MLLT3: variants seen among roughly 807,000 people sequenced by gnomAD.
The protein encoded by MLLT3 is protein AF-9.
In MLLT3, 4 loss-of-function variants were observed where a neutral mutation model predicts 53.2. The observed-to-expected ratio is 0.08, with a 90% CI of 0.04 to 0.17. The LOEUF is 0.17. Among genes scored for constraint, MLLT3 ranks in the 10% least tolerant of loss-of-function variants. MLLT3 has a pLI of 1.00. For synonymous variants in MLLT3, 283 were observed against 230.6 expected (o/e 1.23, Z -2.06); for missense variants, 569 against 684.0 (o/e 0.83, Z 1.87).
At chr9:20,361,130 A>C (rs971083148) in intron 7 of MLLT3, among the ~76,000 whole-genome samples, 1 of 152,170 alleles carries the variant, frequency 6.6e-6, no homozygotes, top group Non-Finnish European at 1.5e-5. Flanking sequence ...GTGGCTCTGG[A>C]ATTCAAATAC....
chr9:20,365,970 T>G (rs779340296), intron 5 of MLLT3, among the ~76,000 whole-genome samples: 1 of 152,194 alleles, frequency 6.6e-6, no homozygotes, highest in Non-Finnish European at 1.5e-5. Context: ...CACTTGGGTG[T>G]TACATGAGAA....
chr9:20,586,683 GTT>G (rs35176024), intron 2 of MLLT3, among the ~76,000 whole-genome samples: 14 of 148,672 alleles, frequency 9.4e-5, no homozygotes, highest in Admixed American at 2.0e-4. Flanking sequence ...ACATCAAGGA[GTT>G]TTTTTTTTTT....
At chr9:20,599,104 G>A (rs1365280408) in intron 2 of MLLT3, among the ~76,000 whole-genome samples, 1 of 152,088 alleles carries the variant, frequency 6.6e-6, no homozygotes, top group Non-Finnish European at 1.5e-5. Flanking sequence ...AAGAGATCGA[G>A]ACCATGCTAG....
At chr9:20,481,396 C>G (rs1478516711) in intron 2 of MLLT3, among the ~76,000 whole-genome samples, 1 of 152,112 alleles carries the variant, frequency 6.6e-6, no homozygotes, top group Admixed American at 6.5e-5. Context: ...TAAGAGATGC[C>G]TAAAGGGATG....
At chr9:20,607,512 A>G (rs1265090451) in intron 2 of MLLT3, among the ~76,000 whole-genome samples, 1 of 152,148 alleles carries the variant, frequency 6.6e-6, no homozygotes, top group Non-Finnish European at 1.5e-5. Flanking sequence ...TCTTATTCCA[A>G]ATGCTGGCAA....
rs186529258 is a variant in MLLT3, at chr9:20,376,342, T to C, written c.1126-10598A>G. On this transcript the variant is annotated intron_variant, in intron 5 of 10. Transcript: ENST00000380338. Reference sequence around the variant, plus strand: ...TGAGTTCTTATGTTATCAAAAGCTATTGTTATACCCATCATTTTCTGATGA... The same window carrying C: ...TGAGTTCTTATGTTATCAAAAGCTACTGTTATACCCATCATTTTCTGATGA... 1.1e-4 allele frequency among the ~76,000 whole-genome samples: 16 copies of C among 152,326 alleles called. No homozygotes were observed. In the East Asian group the frequency reaches 2.9e-3, roughly 28 times the overall value.
chr9:20,615,007 A>G (rs1435491225), intron 2 of MLLT3, among the ~76,000 whole-genome samples: 1 of 152,166 alleles, frequency 6.6e-6, no homozygotes, highest in African/African-American at 2.4e-5. Context: ...TACAATAATG[A>G]ATATAAAAGA....
intron 2 of MLLT3, among the ~76,000 whole-genome samples, chr9:20,559,478 A>G: frequency 6.6e-6 from 1 of 152,232 alleles, no homozygotes; most frequent in African/African-American, 2.4e-5. Flanking sequence ...CCGGAAGAAT[A>G]AAACTTCTCT....
At chr9:20,550,399 C>G (rs1289870805) in intron 2 of MLLT3, among the ~76,000 whole-genome samples, 1 of 152,102 alleles carries the variant, frequency 6.6e-6, no homozygotes, top group Non-Finnish European at 1.5e-5. Context: ...TGGATTTCTT[C>G]CTTGGTGCCA....
chr9:20,497,744 A>C (rs1316850141), intron 2 of MLLT3, among the ~76,000 whole-genome samples: 1 of 152,018 alleles, frequency 6.6e-6, no homozygotes, highest in Non-Finnish European at 1.5e-5. Context: ...GGCCAATTAC[A>C]AAAAAAAGTT....
chr9:20,385,543 T>C (rs1822012716), intron 5 of MLLT3, among the ~76,000 whole-genome samples: 1 of 152,208 alleles, frequency 6.6e-6, no homozygotes, highest in African/African-American at 2.4e-5. Flanking sequence ...AAAATGTCTG[T>C]TTTTGGTTCA....
chr9:20,475,179 G>C (rs1411332306), intron 2 of MLLT3, among the ~76,000 whole-genome samples: 3 of 151,966 alleles, frequency 2.0e-5, no homozygotes, highest in South Asian at 2.1e-4. Flanking sequence ...AGTTATTTGT[G>C]ATGGGATGGC....
Position 20,621,710 on chromosome 9 carries a change from G to C in MLLT3, c.12+535C>G. The C allele has an allele frequency of 6.8e-7, 1 of 1,463,258 alleles. No homozygotes were observed. The highest frequency in any genetic ancestry group is 9.0e-7 in the Non-Finnish European group (1 of 1,105,572). 90.6% of individuals were successfully genotyped at this position (1,463,258 alleles called of 1,614,324 possible). On this transcript the variant is annotated intron_variant, in intron 1 of 10. Coordinates refer to ENST00000380338, the MANE Select transcript of MLLT3 (RefSeq NM_004529.4). This position sits in a 1 kb window ranked among gnomAD's most constrained non-coding sequence, Gnocchi z 7.0. ...TCCCGGCGCTGGGGCAAAGTTGCGT[G>C]CGGCCCCGCCGCTGTCAGCCCCGCA...
chr9:20,372,982 T>A (rs12346860), intron 5 of MLLT3, among the ~76,000 whole-genome samples: 2 of 152,224 alleles, frequency 1.3e-5, no homozygotes, highest in African/African-American at 4.8e-5. Flanking sequence ...TTGTGCTATT[T>A]GCTTTATTAC....
intron 2 of MLLT3, among the ~76,000 whole-genome samples, chr9:20,591,603 C>T (rs1440264057): frequency 1.3e-5 from 2 of 152,204 alleles, no homozygotes; most frequent in Admixed American, 6.5e-5. Context: ...TAGAATATCG[C>T]GAAATGTTTA....
intron 2 of MLLT3, among the ~76,000 whole-genome samples, chr9:20,460,705 CT>C (rs1407978131): frequency 1.3e-5 from 2 of 152,198 alleles, no homozygotes; most frequent in African/African-American, 2.4e-5. Context: ...TCAAATTTAA[CT>C]TTTAAAAGAC....
intron 4 of MLLT3, among the ~76,000 whole-genome samples, chr9:20,426,221 G>T (rs1289373144): frequency 1.3e-5 from 2 of 151,974 alleles, no homozygotes; most frequent in Non-Finnish European, 2.9e-5. Flanking sequence ...TATCTTTGTG[G>T]TTTGAAACTA....
chr9:20,567,325 A>C (rs1384812879), intron 2 of MLLT3, among the ~76,000 whole-genome samples: 7 of 151,110 alleles, frequency 4.6e-5, no homozygotes, highest in African/African-American at 1.7e-4. Flanking sequence ...AAAAAAAAAA[A>C]AAACACAAAC....
chr9:20,596,225 T>C (rs1394394018), intron 2 of MLLT3, among the ~76,000 whole-genome samples: 2 of 152,212 alleles, frequency 1.3e-5, no homozygotes, highest in Non-Finnish European at 2.9e-5. Flanking sequence ...AAAAAATAAA[T>C]GCTGAATAAA....
Sources: allele counts gnomAD v4.1 joint callset (sites outside exome capture counted in the v4.1 genomes callset), GRCh38; gene constraint gnomAD v4.1.1; non-coding constraint Gnocchi (gnomAD v3.1); transcripts MANE v1.5; gene names NCBI Gene and HGNC (gene_info 2026-07-23, HGNC 2026-07-21).